The following GLI2 variants were observed in gnomAD, a reference collection of about 807,000 sequenced individuals.
GLI2 encodes transcription activator GLI2.
A neutral mutation model predicts 78.9 loss-of-function variants in GLI2; 22 were observed. The ratio of observed to expected loss-of-function variants is 0.28; its 90% CI spans 0.20 to 0.40. The LOEUF is 0.40. GLI2 is among the 10% of genes least tolerant of loss of function. The pLI is 1.00. For synonymous variants in GLI2, 974 were observed against 963.7 expected (o/e 1.01, Z -0.20); for missense variants, 2,097 against 2,213.2 (o/e 0.95, Z 1.05).
intron 3 of GLI2, among the ~76,000 whole-genome samples, chr2:120,930,606 G>T (rs932132239): frequency 6.6e-6 from 1 of 152,262 alleles, no homozygotes; most frequent in Non-Finnish European, 1.5e-5. Context: ...CCCTGGCCAA[G>T]CAGCAGCAGT....
intron 1 of GLI2, among the ~76,000 whole-genome samples, chr2:120,791,172 T>A (rs1056122271): frequency 5.3e-5 from 8 of 152,230 alleles, no homozygotes; most frequent in African/African-American, 1.9e-4. Flanking sequence ...ATTTTGCCGC[T>A]GGCAGTAAAA....
intron 1 of GLI2, among the ~76,000 whole-genome samples, chr2:120,796,741 A>G (rs7569100): frequency 0.24 from 35,912 of 152,280 alleles, 9,868 homozygotes; most frequent in African/African-American, 0.67. Flanking sequence ...CGCACCAGGC[A>G]TGATGCCTGA....
chr2:120,948,769 G>A (rs907471559), intron 3 of GLI2, among the ~76,000 whole-genome samples: 9 of 152,208 alleles, frequency 5.9e-5, no homozygotes, highest in African/African-American at 1.9e-4. Flanking sequence ...GTGCCAGGGA[G>A]GCTGGCATTC....
At chr2:120,828,268 G>A (rs925137111) in intron 2 of GLI2, among the ~76,000 whole-genome samples, 10 of 152,316 alleles carry the variant, frequency 6.6e-5, no homozygotes, top group South Asian at 2.1e-4. Flanking sequence ...GGAAACGTTC[G>A]TTAGTTCTCC....
intron 2 of GLI2, among the ~76,000 whole-genome samples, chr2:120,808,100 G>A (rs951756638): frequency 3.9e-5 from 6 of 152,212 alleles, no homozygotes; most frequent in African/African-American, 7.2e-5. Flanking sequence ...CTCATCCGCC[G>A]TCTGACTTTC....
At chr2:120,826,623 T>TTTA (rs1686076045) in intron 2 of GLI2, among the ~76,000 whole-genome samples, 1 of 152,208 alleles carries the variant, frequency 6.6e-6, no homozygotes, top group African/African-American at 2.4e-5. Flanking sequence ...AAGATGGGAT[T>TTTA]CCCTGCATTG....
intron 2 of GLI2, among the ~76,000 whole-genome samples, chr2:120,925,238 G>A (rs2104861424): frequency 6.6e-6 from 1 of 152,360 alleles, no homozygotes; most frequent in South Asian, 2.1e-4. Context: ...TTGAGTCTGA[G>A]TTGGGGAAAC....
intron 2 of GLI2, among the ~76,000 whole-genome samples, chr2:120,885,920 T>C (rs1439116847): frequency 1.3e-5 from 2 of 152,230 alleles, no homozygotes; most frequent in East Asian, 3.8e-4. Flanking sequence ...ACCATACTTC[T>C]GTCATTCTTT....
chr2:120,968,881 G>A lies in GLI2; in HGVS notation c.811G>A (p.Gly271Ser), dbSNP rs144406619. Reference protein sequence around the residue: ...NNSRSSSAASGSYGHLSAGAL... With the variant: ...NNSRSSSAASSSYGHLSAGAL... ...CTCCCGAAGCAGCTCGGCGGCCAGCGGTTCCTACGGGCATCTGTCAGCGGG... is the reference window on the plus strand; with the variant it reads ...CTCCCGAAGCAGCTCGGCGGCCAGCAGTTCCTACGGGCATCTGTCAGCGGG... The change falls in exon 6 of 14, where the codon GGT becomes AGT. Residue 271 changes from glycine (G) to serine (S), a missense_variant. Around this residue, in one of 5 missense-constraint regions of GLI2, gnomAD observed 578 missense variants for 612.0 expected, o/e 0.94. Coordinates refer to ENST00000361492, the MANE Select transcript of GLI2 (RefSeq NM_001374353.1). 4.3e-5 allele frequency: 70 copies of A among 1,613,278 alleles called. No homozygotes were observed. Among genetic ancestry groups the A allele is most frequent in the South Asian group, 5.5e-5 (5 of 91,066 alleles).
intron 8 of GLI2, among the ~76,000 whole-genome samples, chr2:120,973,849 T>A (rs1055568158): frequency 2.6e-5 from 4 of 151,904 alleles, no homozygotes; most frequent in Non-Finnish European, 4.4e-5. Context: ...TCAGGTGGAG[T>A]TTGAGTCTCC....
At chr2:120,815,660 T>G (rs1383921003) in intron 2 of GLI2, among the ~76,000 whole-genome samples, 1 of 152,168 alleles carries the variant, frequency 6.6e-6, no homozygotes, top group African/African-American at 2.4e-5. Context: ...TTTCTACCCC[T>G]GGGAGGGCTA....
Position 120,989,563 on chromosome 2 carries a change from C to A in GLI2, c.3598C>A (p.Pro1200Thr). ...CAGCGGAGCCCCCTCCCAGGGCATCCCCAGGGTAAACTACATGCAGCAGCT... is the reference window on the plus strand; with the variant it reads ...CAGCGGAGCCCCCTCCCAGGGCATCACCAGGGTAAACTACATGCAGCAGCT... ...PRSGAPSQGI[P>T]RVNYMQQLRQ... is the part of the protein sequence containing the mutation. Residue 1200 changes from proline (P) to threonine (T), a missense_variant, in exon 14 of 14, where the codon CCC (proline) becomes ACC (threonine). This residue lies in a region of GLI2 where 1,290 missense variants were observed against 1,261.7 expected (regional missense o/e 1.02). Transcript: ENST00000361492. 3 of 1,613,128 alleles carry A rather than the reference C, an allele frequency of 1.9e-6. No individual in the cohort carries two copies. The highest frequency in any genetic ancestry group is 2.5e-6 in the Non-Finnish European group (3 of 1,179,912).
At chr2:120,964,622 G>T (rs556247908) in intron 5 of GLI2, among the ~76,000 whole-genome samples, 1 of 152,336 alleles carries the variant, frequency 6.6e-6, no homozygotes, top group Non-Finnish European at 1.5e-5. Context: ...TTGCCACTGC[G>T]CAAGTAGCAG....
At chr2:120,854,865 A>ATGC (rs1017619889) in intron 2 of GLI2, among the ~76,000 whole-genome samples, 1 of 152,142 alleles carries the variant, frequency 6.6e-6, no homozygotes, top group Non-Finnish European at 1.5e-5. Context: ...AAGTCCCCAG[A>ATGC]TGCTGCTGCT....
intron 2 of GLI2, among the ~76,000 whole-genome samples, chr2:120,866,956 C>G (rs974633184): frequency 4.6e-5 from 7 of 152,180 alleles, no homozygotes; most frequent in African/African-American, 9.7e-5. Context: ...AGGGACTCCA[C>G]TTCCAGGCTC....
At chr2:120,880,954 G>T (rs1441745269) in intron 2 of GLI2, among the ~76,000 whole-genome samples, 1 of 152,134 alleles carries the variant, frequency 6.6e-6, no homozygotes, top group African/African-American at 2.4e-5. Flanking sequence ...TGTGAAATTT[G>T]TCTTTCTTAT....
At chr2:120,844,943 CT>C (rs150215071) in intron 2 of GLI2, among the ~76,000 whole-genome samples, 2,701 of 152,178 alleles carry the variant, frequency 0.018, 87 homozygotes, top group African/African-American at 0.061. Flanking sequence ...GAATTGCCCC[CT>C]GTGTAGACTG....
intron 2 of GLI2, among the ~76,000 whole-genome samples, chr2:120,912,761 C>T (rs1301974654): frequency 6.6e-6 from 1 of 152,122 alleles, no homozygotes; most frequent in Non-Finnish European, 1.5e-5. Flanking sequence ...CTCGGGAGTC[C>T]ACACACCCAC....
At position 120,988,741 on chromosome 2, in the gene GLI2, G is replaced by C; in HGVS notation, c.2776G>C (p.Gly926Arg). Residue 926 changes from glycine (G) to arginine (R), a missense_variant, in exon 14 of 14, where the codon GGG (glycine) becomes CGG (arginine). Coordinates refer to ENST00000361492, the MANE Select transcript of GLI2 (RefSeq NM_001374353.1). ...ACTGGGGCCGCGGCGTGGCAGCGAC[G>C]GGCCGACCTATGGCCACGGCCACGC... ...RPLGPRRGSD[G>R]PTYGHGHAGA... 8.3e-7 allele frequency: 1 copy of C among 1,207,798 alleles called. No homozygotes were observed. The highest frequency in any genetic ancestry group is 1.0e-6 in the Non-Finnish European group (1 of 970,454). 74.8% of individuals were successfully genotyped at this position (1,207,798 alleles called of 1,614,324 possible).
Sources: gnomAD v4.1 joint callset for allele counts (sites outside exome capture counted in the v4.1 genomes callset) on GRCh38, gnomAD v4.1.1 for gene constraint, gnomAD v4.1.1 regional missense constraint, MANE v1.5 for transcripts, NCBI Gene and HGNC (gene_info 2026-07-23, HGNC 2026-07-21) for gene names.